The following RFFL variants were observed in gnomAD, a reference collection of about 807,000 sequenced individuals.
RFFL encodes E3 ubiquitin-protein ligase rififylin.
A neutral mutation model predicts 40.4 loss-of-function variants in RFFL; 16 were observed. The ratio of observed to expected loss-of-function variants is 0.40; its 90% CI spans 0.27 to 0.60. The LOEUF is 0.60. Among genes scored for constraint, RFFL ranks in the 20% least tolerant of loss-of-function variants. The pLI is 0.47. For missense variants in RFFL, 367 were observed against 451.7 expected, an observed-to-expected ratio of 0.81 and a Z score of 1.70; for synonymous variants, 154 against 167.9, an observed-to-expected ratio of 0.92 and a Z score of 0.64.
At chr17:35,069,307 C>G (rs746937479) in intron 1 of RFFL, 2 of 456,544 alleles carry the variant, frequency 4.4e-6, no homozygotes, top group South Asian at 1.5e-5. Flanking sequence ...TGTTCATGTC[C>G]CCAAGTCTAG....
chr17:35,081,650 A>T (rs183115832), intron 1 of RFFL, among the ~76,000 whole-genome samples: 8 of 152,328 alleles, frequency 5.3e-5, no homozygotes, highest in African/African-American at 1.7e-4. Context: ...CTATTACAGG[A>T]AAGTTGAATA....
chr17:35,050,081 C>CAA (rs35308985), intron 1 of RFFL, among the ~76,000 whole-genome samples: 3,780 of 116,466 alleles, frequency 0.032, 193 homozygotes, highest in African/African-American at 0.1. Context: ...GACTCCATCT[C>CAA]AAAAAAAAAA....
intron 1 of RFFL, among the ~76,000 whole-genome samples, chr17:35,057,251 T>C (rs1368456045): frequency 2.6e-5 from 4 of 152,108 alleles, no homozygotes; most frequent in Non-Finnish European, 5.9e-5. Flanking sequence ...CTAGACTCAC[T>C]ATCTAGCCCA....
intron 1 of RFFL, among the ~76,000 whole-genome samples, chr17:35,028,689 G>A (rs1202291888): frequency 6.6e-6 from 1 of 152,040 alleles, no homozygotes; most frequent in African/African-American, 2.4e-5. Context: ...TTTAACAAGG[G>A]CACTTTCATA....
chr17:35,075,882 A>C (rs991749803), intron 1 of RFFL, among the ~76,000 whole-genome samples: 1 of 152,116 alleles, frequency 6.6e-6, no homozygotes, highest in Non-Finnish European at 1.5e-5. Flanking sequence ...ACTGTGAGTT[A>C]AGTTACAGGC....
At position 35,014,322 on chromosome 17, in the gene RFFL, T is replaced by C. The variant is rs543357644; in HGVS notation, c.910+418A>G. Among the ~76,000 whole-genome samples the C allele has an allele frequency of 2.6e-5, 4 of 152,254 alleles. No individual in the cohort carries two copies. In the South Asian group the frequency reaches 8.3e-4, roughly 32 times the overall value. ...TGTCTCAGGTCACCACCCTTTCTTT[T>C]TGGTTAGTACCAGAAGCTGCTAAAC... On this transcript the variant is annotated intron_variant, in intron 6 of 6. Coordinates refer to ENST00000394597, the MANE Select transcript of RFFL (RefSeq NM_001017368.2).
At chr17:35,079,645 C>T (rs1224014730) in intron 1 of RFFL, among the ~76,000 whole-genome samples, 7 of 152,152 alleles carry the variant, frequency 4.6e-5, no homozygotes, top group Non-Finnish European at 1.0e-4. Flanking sequence ...ATTCCTCAAG[C>T]TTCTGGTCTC....
At chr17:35,086,695 A>T (rs1442256624) in intron 1 of RFFL, among the ~76,000 whole-genome samples, 2 of 152,174 alleles carry the variant, frequency 1.3e-5, no homozygotes, top group African/African-American at 4.8e-5. Flanking sequence ...CTAATACCTT[A>T]ATTCTGTTAT....
chr17:35,058,123 GC>G (rs763925921), intron 1 of RFFL, among the ~76,000 whole-genome samples: 11 of 152,080 alleles, frequency 7.2e-5, no homozygotes, highest in Non-Finnish European at 1.3e-4. Flanking sequence ...GGAAAGAAGA[GC>G]ATGCTAGATA....
At chr17:35,061,678 G>T (rs2091292071) in intron 1 of RFFL, among the ~76,000 whole-genome samples, 1 of 137,372 alleles carries the variant, frequency 7.3e-6, no homozygotes, top group African/African-American at 3.0e-5. Context: ...GGCCAGGATG[G>T]TCTCAAACTC....
upstream of RFFL, among the ~76,000 whole-genome samples, chr17:35,065,569 A>AG (rs1467000603): frequency 9.9e-5 from 15 of 152,086 alleles, no homozygotes; most frequent in African/African-American, 3.6e-4. Context: ...AAAAAAAAAA[A>AG]AAAAAAAAGA....
chr17:35,014,598 C>G, intron 6 of RFFL, 142 bp downstream of exon 6: 1 of 774,486 alleles, frequency 1.3e-6, no homozygotes, highest in South Asian at 1.5e-5. Flanking sequence ...GAGAGGCCCC[C>G]TGGGTCTCAG....
chr17:35,075,470 G>A (rs2091371195), intron 1 of RFFL, among the ~76,000 whole-genome samples: 1 of 152,150 alleles, frequency 6.6e-6, no homozygotes, highest in African/African-American at 2.4e-5. Flanking sequence ...TAGTAATTTA[G>A]ACAGCTGTGT....
intron 1 of RFFL, among the ~76,000 whole-genome samples, chr17:35,083,846 G>A (rs1289243068): frequency 2.6e-5 from 4 of 151,954 alleles, no homozygotes; most frequent in Admixed American, 2.6e-4. Context: ...AGTTCCATGG[G>A]GCCTGATGTA....
upstream of RFFL, among the ~76,000 whole-genome samples, chr17:35,065,144 A>T (rs1245108445): frequency 2.6e-5 from 4 of 152,132 alleles, no homozygotes; most frequent in East Asian, 7.7e-4. Context: ...TCTGTAGTTG[A>T]TGATAAGTTA....
chr17:35,070,920 G>A (rs909164994), intron 1 of RFFL, among the ~76,000 whole-genome samples: 5 of 152,226 alleles, frequency 3.3e-5, no homozygotes, highest in African/African-American at 1.2e-4. Context: ...ATGGTGGCCA[G>A]GCACGGTGGC....
intron 1 of RFFL, among the ~76,000 whole-genome samples, chr17:35,087,476 G>A (rs1387094799): frequency 5.3e-5 from 8 of 152,064 alleles, no homozygotes; most frequent in Admixed American, 6.5e-5. Context: ...CTTTTTTTGT[G>A]CATGTTATTT....
chr17:35,041,457 G>C (rs191247073), intron 1 of RFFL, among the ~76,000 whole-genome samples: 1 of 151,978 alleles, frequency 6.6e-6, no homozygotes, highest in Non-Finnish European at 1.5e-5. Flanking sequence ...GACTCCTATT[G>C]CATTTTAGAA....
rs561259135 is a variant in RFFL, at chr17:35,059,124, T to C, written c.-9+4452A>G. On this transcript the variant is annotated intron_variant, in intron 1 of 6. Coordinates refer to ENST00000394597, the MANE Select transcript of RFFL (RefSeq NM_001017368.2). ...ACCTCCGCCTCCCATGTTCAAGCAA[T>C]TCTCCTGCCTCGGCCTCCCAAGTAG... is the stretch of plus-strand genomic sequence containing the variant. Among the ~76,000 whole-genome samples the C allele has an allele frequency of 2.7e-5, 4 of 149,572 alleles. No homozygotes were observed. The East Asian group carries it at 8.2e-4, about 31-fold the overall frequency.
Sources: gnomAD v4.1 joint callset for allele counts (sites outside exome capture counted in the v4.1 genomes callset) on GRCh38, gnomAD v4.1.1 for gene constraint, MANE v1.5 for transcripts, NCBI Gene and HGNC (gene_info 2026-07-23, HGNC 2026-07-21) for gene names.